The following KCNIP4 variants were observed in gnomAD, a reference collection of about 807,000 sequenced individuals.
The protein encoded by KCNIP4 is potassium voltage-gated channel interacting protein 4.
Under a neutral mutation model 34.0 loss-of-function variants are expected in KCNIP4, and 12 were observed. The observed-to-expected ratio is 0.35, with a 90% confidence interval of 0.23 to 0.57. The LOEUF (loss-of-function observed/expected upper bound fraction) is 0.57, where lower values mean the gene tolerates loss of function less well. Ranked by LOEUF, KCNIP4 falls within the 20% of genes least tolerant of loss-of-function variation. The pLI, the probability that KCNIP4 is intolerant of heterozygous loss-of-function variation, is 0.83. For synonymous variants in KCNIP4, 124 were observed against 102.2 expected, an observed-to-expected ratio of 1.21 and a Z score of -1.29; for missense variants, 238 against 311.7, an observed-to-expected ratio of 0.76 and a Z score of 1.78.
chr4:21,233,976 CATATATAACATATAACATGTATA>C (rs1237063578), intron 1 of KCNIP4, among the ~76,000 whole-genome samples: 1 of 134,290 alleles, frequency 7.4e-6, no homozygotes, highest in African/African-American at 2.8e-5. Flanking sequence ...TATTATATAA[CATATATAACATATAACATGTATA>C]ATATATAACA....
chr4:21,384,507 T>C (rs1269282519), intron 1 of KCNIP4, among the ~76,000 whole-genome samples: 1 of 152,132 alleles, frequency 6.6e-6, no homozygotes, highest in African/African-American at 2.4e-5. Context: ...TCCTAGAAAG[T>C]AGAGACAAAT....
intron 1 of KCNIP4, among the ~76,000 whole-genome samples, chr4:21,346,847 T>C (rs1717480571): frequency 6.6e-6 from 1 of 152,082 alleles, no homozygotes; most frequent in South Asian, 2.1e-4. Flanking sequence ...TTTTCCAAGA[T>C]AAAAAAGATG....
At chr4:21,323,144 G>GTA (rs747961833) in intron 1 of KCNIP4, among the ~76,000 whole-genome samples, 1,975 of 77,820 alleles carry the variant, frequency 0.025, 34 homozygotes, top group Middle Eastern at 0.056. Flanking sequence ...TCTTTTGTAA[G>GTA]TATATATATA....
At chr4:21,325,190 CT>C (rs1291389055) in intron 1 of KCNIP4, among the ~76,000 whole-genome samples, 1 of 151,848 alleles carries the variant, frequency 6.6e-6, no homozygotes, top group Non-Finnish European at 1.5e-5. Flanking sequence ...GTTAATTCTT[CT>C]TTAAATGTTT....
intron 1 of KCNIP4, among the ~76,000 whole-genome samples, chr4:21,418,944 T>C (rs1725201241): frequency 6.6e-6 from 1 of 152,146 alleles, no homozygotes; most frequent in African/African-American, 2.4e-5. Context: ...GGGATGGAGA[T>C]AAGAAGTAAT....
chr4:21,356,489 C>T (rs13146106), intron 1 of KCNIP4, among the ~76,000 whole-genome samples: 4,396 of 152,094 alleles, frequency 0.029, 207 homozygotes, highest in East Asian at 0.2. Context: ...AAAATCAGTG[C>T]GCAAAAATCA....
intron 1 of KCNIP4, among the ~76,000 whole-genome samples, chr4:21,337,519 G>A (rs898303476): frequency 6.6e-6 from 1 of 152,092 alleles, no homozygotes; most frequent in Non-Finnish European, 1.5e-5. Context: ...ATTTTATCAG[G>A]TGGTTTAAAA....
At chr4:20,924,716 C>T (rs895447530) in intron 1 of KCNIP4, among the ~76,000 whole-genome samples, 9 of 152,164 alleles carry the variant, frequency 5.9e-5, no homozygotes, top group African/African-American at 1.9e-4. Flanking sequence ...GTCCCAGATC[C>T]ACAATTTATC....
At chr4:21,304,775 A>G (rs537795975) in intron 1 of KCNIP4, among the ~76,000 whole-genome samples, 1 of 152,314 alleles carries the variant, frequency 6.6e-6, no homozygotes, top group East Asian at 1.9e-4. Context: ...TAACTATCAT[A>G]TCTTTTTGAA....
chr4:21,519,731 T>TGTATGTATG (rs1735304867), intron 1 of KCNIP4, among the ~76,000 whole-genome samples: 1 of 123,788 alleles, frequency 8.1e-6, no homozygotes, highest in Non-Finnish European at 1.6e-5. Flanking sequence ...CACACGTGTG[T>TGTATGTATG]ATATGTATGA....
At chr4:21,002,442 G>A (rs1738215645) in intron 1 of KCNIP4, among the ~76,000 whole-genome samples, 1 of 152,208 alleles carries the variant, frequency 6.6e-6, no homozygotes, top group African/African-American at 2.4e-5. Context: ...TCCATTCACT[G>A]GCAGTGCTGA....
At chr4:21,817,149 AACTGTTGCCAGTTCTTCC>A (rs1256777657) in intron 1 of KCNIP4, among the ~76,000 whole-genome samples, 18 of 152,128 alleles carry the variant, frequency 1.2e-4, no homozygotes, top group Admixed American at 1.2e-3. Flanking sequence ...CAAGACCCAG[AACTGTTGCCAGTTCTTCC>A]ACTGTTGCAG....
intron 1 of KCNIP4, among the ~76,000 whole-genome samples, chr4:21,095,351 T>C (rs1429357727): frequency 6.6e-6 from 1 of 152,218 alleles, no homozygotes; most frequent in Admixed American, 6.5e-5. Context: ...TTTCAAATGA[T>C]AATGTGTATA....
At chr4:21,343,440 C>T (rs952579707) in intron 1 of KCNIP4, among the ~76,000 whole-genome samples, 1 of 152,096 alleles carries the variant, frequency 6.6e-6, no homozygotes, top group East Asian at 1.9e-4. Flanking sequence ...ACAGGGAAAG[C>T]ATCTCTTTAG....
At chr4:21,556,930 A>AAAAAAACAAAAAAAAAAAAC (rs1739095512) in intron 1 of KCNIP4, among the ~76,000 whole-genome samples, 24 of 108,262 alleles carry the variant, frequency 2.2e-4, no homozygotes, top group East Asian at 6.5e-4. Flanking sequence ...CAGAAAAAAA[A>AAAAAAACAAAAAAAAAAAAC]AAAAAAAAAA....
chr4:21,075,549 G>A (rs1300776796), intron 1 of KCNIP4, among the ~76,000 whole-genome samples: 1 of 151,904 alleles, frequency 6.6e-6, no homozygotes, highest in Non-Finnish European at 1.5e-5. Flanking sequence ...ATATGAGATG[G>A]GTCTCCTGAA....
intron 1 of KCNIP4, among the ~76,000 whole-genome samples, chr4:21,045,114 T>C (rs538527600): frequency 6.6e-6 from 1 of 152,326 alleles, no homozygotes; most frequent in East Asian, 1.9e-4. Context: ...TAGTACTTTA[T>C]TTTACTTCAT....
chr4:20,757,465 A>C (rs761819108), intron 4 of KCNIP4, among the ~76,000 whole-genome samples: 1 of 152,164 alleles, frequency 6.6e-6, no homozygotes, highest in Non-Finnish European at 1.5e-5. Flanking sequence ...CCTCAAGGAT[A>C]AAGTCCCATT....
intron 3 of KCNIP4, 49 bp downstream of exon 3, chr4:20,850,494 T>G: frequency 6.3e-7 from 1 of 1,590,828 alleles, no homozygotes; most frequent in Non-Finnish European, 8.6e-7. Flanking sequence ...CATTTCTCAA[T>G]GCTCCTCTGG....
Sources: gnomAD v4.1 joint callset for allele counts (sites outside exome capture counted in the v4.1 genomes callset) on GRCh38, gnomAD v4.1.1 for gene constraint, MANE v1.5 for transcripts, NCBI Gene and HGNC (gene_info 2026-07-23, HGNC 2026-07-21) for gene names.